MID1: variants seen among roughly 807,000 people sequenced by gnomAD.
MID1 encodes the protein midline 1.
In MID1, 7 loss-of-function variants were observed where a neutral mutation model predicts 40.4. The observed-to-expected ratio is 0.17, with a 90% confidence interval of 0.10 to 0.33. MID1 has a LOEUF of 0.33. Among genes scored for constraint, MID1 ranks in the 10% least tolerant of loss-of-function variants. The probability of loss-of-function intolerance (pLI) is 1.00; values close to 1 mark genes in which losing one functional copy is unlikely to be tolerated. For missense variants in MID1, 367 were observed against 558.5 expected (o/e 0.66, Z 3.46); for synonymous variants, 229 against 221.2 (o/e 1.04, Z -0.31).
chrX:10,630,388 C>T (rs1051549243), intron 1 of MID1, among the ~76,000 whole-genome samples: 1 of 110,967 alleles, frequency 9.0e-6, no homozygotes, highest in African/African-American at 3.3e-5. Flanking sequence ...CAGAGTTACC[C>T]GGGCAGAGGA....
intron 1 of MID1, among the ~76,000 whole-genome samples, chrX:10,821,070 G>A (rs1383678082): frequency 1.8e-5 from 2 of 112,111 alleles, no homozygotes; most frequent in Non-Finnish European, 3.8e-5. Context: ...CAAGCGTTGG[G>A]TACTCTGTAA....
At chrX:10,732,259 CT>C (rs1423796448) in intron 1 of MID1, among the ~76,000 whole-genome samples, 1 of 111,346 alleles carries the variant, frequency 9.0e-6, no homozygotes, top group Non-Finnish European at 1.9e-5. Flanking sequence ...TAAGCTTAAC[CT>C]TTTTAAAAAC....
Position 10,656,640 on chromosome X carries a change from C to T in MID1, c.-186-36221G>A, listed in dbSNP as rs749985261. Among the ~76,000 whole-genome samples the T allele has an allele frequency of 6.3e-5, 7 of 111,407 alleles. No individual in the cohort carries two copies. In the East Asian group the frequency reaches 1.4e-3, roughly 22 times the overall value. ...GTTTCGTTAGATTGAGATTCCCATA[C>T]GATTACTCTTCCAGTTTATCCTCTG... is the stretch of plus-strand genomic sequence containing the variant. On this transcript the variant is annotated intron_variant, in intron 1 of 10. Coordinates refer to the MID1 transcript ENST00000380785.
intron 2 of MID1, among the ~76,000 whole-genome samples, chrX:10,548,508 G>C (rs1489753485): frequency 8.9e-6 from 1 of 112,183 alleles, no homozygotes; most frequent in Non-Finnish European, 1.9e-5. Context: ...AGGACATGAA[G>C]CACTTTTATT....
chrX:10,607,441 C>T (rs1267284077), intron 1 of MID1, among the ~76,000 whole-genome samples: 1 of 111,919 alleles, frequency 8.9e-6, no homozygotes, highest in African/African-American at 3.3e-5. Context: ...GACAGCCCCA[C>T]AAATAATTAT....
At chrX:10,502,243 T>C (rs1286041418) in intron 3 of MID1, among the ~76,000 whole-genome samples, 1 of 112,439 alleles carries the variant, frequency 8.9e-6, no homozygotes, top group Non-Finnish European at 1.9e-5. Context: ...TGATCTAGCA[T>C]GCATTTTAGA....
intron 1 of MID1, among the ~76,000 whole-genome samples, chrX:10,679,602 G>A (rs2043045959): frequency 8.9e-6 from 1 of 112,080 alleles, no homozygotes; most frequent in Admixed American, 9.5e-5. Flanking sequence ...GTATTGAACT[G>A]CTTGGTCCAC....
chrX:10,582,115 C>T (rs966368096), intron 1 of MID1, among the ~76,000 whole-genome samples: 2 of 111,477 alleles, frequency 1.8e-5, no homozygotes, highest in Non-Finnish European at 3.8e-5. Flanking sequence ...CGAAGTCCTA[C>T]GGAGCATCCT....
intron 1 of MID1, among the ~76,000 whole-genome samples, chrX:10,601,003 C>G (rs1270141538): frequency 9.0e-6 from 1 of 111,430 alleles, no homozygotes; most frequent in East Asian, 2.8e-4. Flanking sequence ...CATAGCTTCC[C>G]TAACTTAAAA....
intron 1 of MID1, among the ~76,000 whole-genome samples, chrX:10,568,293 C>T (rs944862375): frequency 2.7e-5 from 3 of 111,772 alleles, no homozygotes; most frequent in Non-Finnish European, 5.6e-5. Context: ...CTGAATAATT[C>T]TATTGTTTAA....
chrX:10,554,051 C>G (rs1320986892), intron 2 of MID1, among the ~76,000 whole-genome samples: 1 of 111,662 alleles, frequency 9.0e-6, no homozygotes, highest in African/African-American at 3.3e-5. Context: ...TACAGTTATG[C>G]TTTTGAATTT....
In MID1 at chrX:10,557,293, C is replaced by A. The variant is rs753162039; in HGVS notation, c.660+9595G>T. ...ATAATTCCCAGACAGCATGGTAAGG[C>A]ATCATCCTACACCCATGATGCTGGT... On this transcript the variant is annotated intron_variant, in intron 2 of 9. Coordinates refer to ENST00000317552, the MANE Select transcript of MID1 (RefSeq NM_000381.4). 2.7e-5 allele frequency among the ~76,000 whole-genome samples: 3 copies of A among 112,059 alleles called. No individual in the cohort carries two copies. In the South Asian group the frequency reaches 1.1e-3, roughly 42 times the overall value.
At chrX:10,520,462 C>T (rs969269748) in intron 3 of MID1, among the ~76,000 whole-genome samples, 2 of 112,294 alleles carry the variant, frequency 1.8e-5, no homozygotes, top group Admixed American at 9.5e-5. Flanking sequence ...TGTTCTCTAA[C>T]ATATTGTAAT....
At chrX:10,632,927 A>G (rs1175376082) in intron 1 of MID1, among the ~76,000 whole-genome samples, 2 of 111,806 alleles carry the variant, frequency 1.8e-5, no homozygotes, top group African/African-American at 6.5e-5. Context: ...CATTCAGTCT[A>G]CCATTAGACC....
At chrX:10,754,311 TTTTTGTTTTTTG>T (rs2043617920) in intron 1 of MID1, among the ~76,000 whole-genome samples, 1 of 106,165 alleles carries the variant, frequency 9.4e-6, no homozygotes, top group African/African-American at 3.9e-5. Flanking sequence ...TTTTTTTTGT[TTTTTGTTTTTTG>T]TTTTTTTTGT....
At chrX:10,705,099 A>C (rs2147085142) in intron 1 of MID1, among the ~76,000 whole-genome samples, 1 of 111,950 alleles carries the variant, frequency 8.9e-6, no homozygotes, top group African/African-American at 3.2e-5. Flanking sequence ...TGACACATAA[A>C]GAAAAAAGAA....
intron 2 of MID1, among the ~76,000 whole-genome samples, chrX:10,534,000 T>C (rs1364804713): frequency 1.1e-5 from 1 of 92,509 alleles, no homozygotes; most frequent in Non-Finnish European, 2.4e-5. Flanking sequence ...TCTATTATCC[T>C]GGTCTTTTTT....
intron 2 of MID1, among the ~76,000 whole-genome samples, chrX:10,549,083 T>C (rs1271172843): frequency 1.8e-5 from 2 of 111,995 alleles, no homozygotes; most frequent in Admixed American, 9.5e-5. Flanking sequence ...GATAGGAATA[T>C]TATTGTCTGG....
intron 1 of MID1, among the ~76,000 whole-genome samples, chrX:10,820,934 T>A (rs187942282): frequency 1.2e-3 from 137 of 112,192 alleles, no homozygotes; most frequent in African/African-American, 4.2e-3. Flanking sequence ...ATTCCTTGGG[T>A]TGCTGAATTG....
Sources: gnomAD v4.1 joint callset for allele counts (sites outside exome capture counted in the v4.1 genomes callset) on GRCh38, gnomAD v4.1.1 for gene constraint, MANE v1.5 for transcripts, NCBI Gene and HGNC (gene_info 2026-07-23, HGNC 2026-07-21) for gene names.